Variants in IFT43 observed in about 807,000 individuals in gnomAD.
IFT43 encodes the protein intraflagellar transport 43.
A neutral mutation model predicts 32.3 loss-of-function variants in IFT43; 33 were observed. The observed-to-expected ratio is 1.02, with a 90% CI of 0.77 to 1.37. The LOEUF (loss-of-function observed/expected upper bound fraction) is 1.37. Ranked by LOEUF, IFT43 falls within the 40% of genes most tolerant of loss-of-function variation. The probability of loss-of-function intolerance (pLI) is 0.00; values close to 1 mark genes in which losing one functional copy is unlikely to be tolerated. For missense variants in IFT43, 274 were observed against 265.9 expected (o/e 1.03, Z -0.21); for synonymous variants, 93 against 98.2 (o/e 0.95, Z 0.31).
chr14:76,022,987 C>A (rs1336947398), intron 3 of IFT43, among the ~76,000 whole-genome samples: 2 of 152,200 alleles, frequency 1.3e-5, no homozygotes, highest in Admixed American at 1.3e-4. Context: ...TTACTGTAAG[C>A]TGGCATGAAT....
intron 2 of IFT43, among the ~76,000 whole-genome samples, chr14:75,993,293 T>C (rs538041226): frequency 1.3e-5 from 2 of 152,336 alleles, no homozygotes; most frequent in South Asian, 2.1e-4. Context: ...AAATGTAATA[T>C]GGAAATTCAG....
At chr14:76,062,489 A>C (rs77301981) in intron 5 of IFT43, among the ~76,000 whole-genome samples, 1 of 152,212 alleles carries the variant, frequency 6.6e-6, no homozygotes, top group Non-Finnish European at 1.5e-5. Context: ...ACACTCTTCA[A>C]CTTACAGTCT....
chr14:76,033,464 G>C (rs2036544509), intron 3 of IFT43, among the ~76,000 whole-genome samples: 1 of 152,200 alleles, frequency 6.6e-6, no homozygotes, highest in South Asian at 2.1e-4. Context: ...GTAAGTTATT[G>C]AGGAGGGTTG....
chr14:76,054,640 C>G (rs779008377), intron 3 of IFT43, among the ~76,000 whole-genome samples: 6 of 152,212 alleles, frequency 3.9e-5, no homozygotes, highest in Admixed American at 1.3e-4. Context: ...GAAAAGTGCT[C>G]TGTGTGAGGT....
chr14:76,027,786 A>G (rs1291829947), intron 3 of IFT43, among the ~76,000 whole-genome samples: 1 of 151,770 alleles, frequency 6.6e-6, no homozygotes, highest in Non-Finnish European at 1.5e-5. Flanking sequence ...AAGACATTTC[A>G]TAGTGGTTTA....
chr14:75,991,958 G>T (rs2035652480), intron 2 of IFT43, among the ~76,000 whole-genome samples: 1 of 152,154 alleles, frequency 6.6e-6, no homozygotes. Context: ...AGACTTGTGT[G>T]TGTGCCCATT....
At chr14:76,001,337 G>T (rs949020029) in intron 2 of IFT43, among the ~76,000 whole-genome samples, 1 of 152,200 alleles carries the variant, frequency 6.6e-6, no homozygotes, top group Non-Finnish European at 1.5e-5. Context: ...ATGTTCAGAT[G>T]CCTTTCTTCA....
chr14:76,082,208 T>G (rs1594870935), intron 5 of IFT43, 87 bp from the exon 6 acceptor site: 4 of 1,166,208 alleles, frequency 3.4e-6, no homozygotes, highest in Non-Finnish European at 5.2e-6. Flanking sequence ...ATGGCTGGTG[T>G]GTTGAAGGGG....
intron 5 of IFT43, among the ~76,000 whole-genome samples, chr14:76,066,818 G>A (rs551587751): frequency 6.6e-6 from 1 of 152,174 alleles, no homozygotes; most frequent in East Asian, 1.9e-4. Flanking sequence ...AATTCCAAAG[G>A]ACAAGGTGTG....
At chr14:76,013,823 G>A (rs908612032) in intron 2 of IFT43, 1 of 266,860 alleles carries the variant, frequency 3.7e-6, no homozygotes, top group East Asian at 9.1e-5. Context: ...TGATAAGGGG[G>A]CCTTCAGAAT....
In IFT43 at chr14:76,046,359, G is replaced by A. The variant is rs761856194; in HGVS notation, c.216-12283G>A. Reference sequence around the variant, plus strand: ...AGATGAGGTCAACAGGTCAGGTGGCGAGGGCAGGCTGCTGGACTTGCCAGT... The same window carrying A: ...AGATGAGGTCAACAGGTCAGGTGGCAAGGGCAGGCTGCTGGACTTGCCAGT... On this transcript the variant is annotated intron_variant, in intron 3 of 8. Transcript: ENST00000314067. 5.3e-5 allele frequency among the ~76,000 whole-genome samples: 8 copies of A among 152,224 alleles called. No individual in the cohort carries two copies. In the East Asian group the frequency reaches 1.4e-3, roughly 26 times the overall value.
At chr14:76,017,723 T>G (rs2036215283) in intron 2 of IFT43, among the ~76,000 whole-genome samples, 1 of 152,200 alleles carries the variant, frequency 6.6e-6, no homozygotes, top group African/African-American at 2.4e-5. Context: ...TGATTCAATC[T>G]CATTACTTGT....
At chr14:76,014,320 A>G (rs879650275) in intron 2 of IFT43, among the ~76,000 whole-genome samples, 1 of 152,208 alleles carries the variant, frequency 6.6e-6, no homozygotes, top group African/African-American at 2.4e-5. Context: ...AGGATTAAAA[A>G]TTTAAGATGT....
At chr14:76,063,549 T>G (rs1476181284) in intron 5 of IFT43, among the ~76,000 whole-genome samples, 1 of 152,266 alleles carries the variant, frequency 6.6e-6, no homozygotes, top group African/African-American at 2.4e-5. Flanking sequence ...ACCCAGGGCT[T>G]ACTTTATCTG....
intron 2 of IFT43, among the ~76,000 whole-genome samples, chr14:76,016,341 T>C (rs183064513): frequency 6.6e-6 from 1 of 152,140 alleles, no homozygotes; most frequent in Non-Finnish European, 1.5e-5. Flanking sequence ...TTGTAGGTGT[T>C]GTTTTCAAAA....
At position 76,083,578 on chromosome 14, in the gene IFT43, G is replaced by T. The variant is rs762324607; in HGVS notation, c.*1G>T. 6.2e-6 allele frequency: 10 copies of T among 1,613,908 alleles called. No individual in the cohort carries two copies. Among genetic ancestry groups the T allele is most frequent in the Non-Finnish European group, 8.5e-6 (10 of 1,180,022 alleles). On this transcript the variant is annotated 3_prime_UTR_variant, in exon 9 of 9. Transcript: ENST00000314067. ...TGCGGGGCAGGCCAGGCACACCTGA[G>T]CCCGTCACCCATGCTCTAGACATGA...
intron 3 of IFT43, among the ~76,000 whole-genome samples, chr14:76,031,132 A>G: frequency 6.6e-6 from 1 of 150,788 alleles, no homozygotes; most frequent in East Asian, 1.9e-4. Flanking sequence ...CTTTGTTTCT[A>G]TATCCTAGGT....
intron 5 of IFT43, among the ~76,000 whole-genome samples, chr14:76,081,723 C>A (rs1017222250): frequency 6.6e-6 from 1 of 152,168 alleles, no homozygotes; most frequent in Non-Finnish European, 1.5e-5. Flanking sequence ...GGCAAATGGA[C>A]GCCTGGATCC....
At chr14:76,017,713 T>A (rs538351041) in intron 2 of IFT43, among the ~76,000 whole-genome samples, 2 of 152,324 alleles carry the variant, frequency 1.3e-5, no homozygotes, top group East Asian at 3.8e-4. Context: ...TTTTTATTAC[T>A]GATTCAATCT....
Sources: gnomAD v4.1 joint callset for allele counts (sites outside exome capture counted in the v4.1 genomes callset) on GRCh38, gnomAD v4.1.1 for gene constraint, MANE v1.5 for transcripts, NCBI Gene and HGNC (gene_info 2026-07-23, HGNC 2026-07-21) for gene names.